Variants in PLPPR1 observed in about 807,000 individuals in gnomAD.
The protein encoded by PLPPR1 is phospholipid phosphatase related 1.
Under a neutral mutation model 33.1 loss-of-function variants are expected in PLPPR1, and 10 were observed. The observed-to-expected ratio is 0.30, with a 90% confidence interval of 0.19 to 0.51. The LOEUF (loss-of-function observed/expected upper bound fraction) is 0.51, where lower values mean the gene tolerates loss of function less well. Among genes scored for constraint, PLPPR1 ranks in the 20% least tolerant of loss-of-function variants. PLPPR1 has a pLI of 0.97. For missense variants in PLPPR1, 304 were observed against 408.1 expected (o/e 0.74, Z 2.20); for synonymous variants, 151 against 151.0 (o/e 1.00, Z 0.00).
At chr9:101,283,494 G>A (rs974957766) in intron 3 of PLPPR1, among the ~76,000 whole-genome samples, 1 of 152,062 alleles carries the variant, frequency 6.6e-6, no homozygotes, top group East Asian at 1.9e-4. Flanking sequence ...ATCTCACACC[G>A]TATACAAAAA....
intron 1 of PLPPR1, among the ~76,000 whole-genome samples, chr9:101,043,942 C>T (rs1394111667): frequency 6.6e-6 from 1 of 152,114 alleles, no homozygotes; most frequent in Non-Finnish European, 1.5e-5. Context: ...ATCTTCTAGA[C>T]ATTGGCTTAG....
chr9:101,143,327 A>C (rs1831477892), intron 1 of PLPPR1, among the ~76,000 whole-genome samples: 1 of 152,082 alleles, frequency 6.6e-6, no homozygotes, highest in Admixed American at 6.6e-5. Flanking sequence ...CTTCTTCTGT[A>C]GGTCTGGGGT....
At chr9:101,234,332 C>T (rs1827251080) in intron 2 of PLPPR1, among the ~76,000 whole-genome samples, 1 of 151,876 alleles carries the variant, frequency 6.6e-6, no homozygotes, top group South Asian at 2.1e-4. Context: ...CATATTTAGA[C>T]ATTTTAGTTC....
At chr9:101,037,103 A>G (rs951511201) in intron 1 of PLPPR1, among the ~76,000 whole-genome samples, 2 of 152,090 alleles carry the variant, frequency 1.3e-5, no homozygotes, top group African/African-American at 4.8e-5. Context: ...TGTCCATGTT[A>G]ACTGGATGGG....
intron 2 of PLPPR1, among the ~76,000 whole-genome samples, chr9:101,188,507 A>G (rs1564170445): frequency 6.6e-6 from 1 of 151,422 alleles, no homozygotes; most frequent in African/African-American, 2.4e-5. Context: ...GCCTTGTCTT[A>G]TTGCTTTGGT....
At chr9:101,088,415 A>G (rs1830703915) in intron 1 of PLPPR1, among the ~76,000 whole-genome samples, 1 of 151,338 alleles carries the variant, frequency 6.6e-6, no homozygotes, top group South Asian at 2.1e-4. Context: ...AAGTAATTCT[A>G]ATATAAAAAT....
At chr9:101,201,654 A>C (rs1319521958) in intron 2 of PLPPR1, among the ~76,000 whole-genome samples, 1 of 152,222 alleles carries the variant, frequency 6.6e-6, no homozygotes, top group Non-Finnish European at 1.5e-5. Flanking sequence ...GGCAGGCTAC[A>C]TTCTCAGTAA....
chr9:101,207,606 C>G (rs1156731), intron 2 of PLPPR1, among the ~76,000 whole-genome samples: 18,755 of 151,966 alleles, frequency 0.12, 2,692 homozygotes, highest in African/African-American at 0.35. Flanking sequence ...GCTCCCCTTA[C>G]GAGGCTGTAT....
chr9:101,289,200 G>T (rs1009562595), intron 4 of PLPPR1, among the ~76,000 whole-genome samples: 1 of 152,116 alleles, frequency 6.6e-6, no homozygotes, highest in African/African-American at 2.4e-5. Context: ...TTACAAGCTG[G>T]CCAAACCCTA....
At chr9:101,070,188 G>A (rs888510639) in intron 1 of PLPPR1, among the ~76,000 whole-genome samples, 1 of 152,002 alleles carries the variant, frequency 6.6e-6, no homozygotes, top group African/African-American at 2.4e-5. Flanking sequence ...TGGGGTCAGG[G>A]GGACTATCAA....
chr9:101,267,862 GTC>G (rs1283350833), intron 2 of PLPPR1, among the ~76,000 whole-genome samples: 1 of 152,048 alleles, frequency 6.6e-6, no homozygotes, highest in Non-Finnish European at 1.5e-5. Flanking sequence ...GTTATAATGT[GTC>G]TCAAGTACAA....
chr9:101,083,423 T>A (rs74628796), intron 1 of PLPPR1, among the ~76,000 whole-genome samples: 5,815 of 151,272 alleles, frequency 0.038, 170 homozygotes, highest in East Asian at 0.079. Context: ...CAAAATTGAC[T>A]GGAAAGAATA....
chr9:101,181,681 TACAC>T (rs1044560993), intron 1 of PLPPR1, among the ~76,000 whole-genome samples: 13 of 147,646 alleles, frequency 8.8e-5, no homozygotes, highest in African/African-American at 1.7e-4. Context: ...TATATGTATA[TACAC>T]ACACACATAC....
intron 2 of PLPPR1, among the ~76,000 whole-genome samples, chr9:101,262,288 C>T (rs1827914158): frequency 6.6e-6 from 1 of 152,176 alleles, no homozygotes; most frequent in African/African-American, 2.4e-5. Context: ...AGACCACACA[C>T]CTAGTAGGCA....
chr9:101,130,668 G>A (rs1831303371), intron 1 of PLPPR1, among the ~76,000 whole-genome samples: 1 of 152,148 alleles, frequency 6.6e-6, no homozygotes, highest in South Asian at 2.1e-4. Flanking sequence ...GCAGACTATG[G>A]CTCAAAATAT....
At chr9:101,058,254 G>A (rs1372406971) in intron 1 of PLPPR1, among the ~76,000 whole-genome samples, 1 of 151,540 alleles carries the variant, frequency 6.6e-6, no homozygotes, top group Non-Finnish European at 1.5e-5. Context: ...TGGAATGGGA[G>A]AAGTAGACCC....
At chr9:101,118,182 C>A (rs916150546) in intron 1 of PLPPR1, among the ~76,000 whole-genome samples, 5 of 152,182 alleles carry the variant, frequency 3.3e-5, no homozygotes, top group African/African-American at 1.2e-4. Context: ...GAGGCTATGA[C>A]CTGCTGTGGG....
intron 1 of PLPPR1, among the ~76,000 whole-genome samples, chr9:101,055,479 A>G (rs886428766): frequency 3.3e-5 from 5 of 152,192 alleles, no homozygotes; most frequent in African/African-American, 9.7e-5. Flanking sequence ...CGGTTAATCA[A>G]TTCCTTAGCG....
At chr9:101,217,143 A>G (rs1826815204) in intron 2 of PLPPR1, among the ~76,000 whole-genome samples, 1 of 152,216 alleles carries the variant, frequency 6.6e-6, no homozygotes, top group African/African-American at 2.4e-5. Context: ...ATCATTAAAA[A>G]TAACCAGAAG....
Sources: allele counts gnomAD v4.1 joint callset (sites outside exome capture counted in the v4.1 genomes callset), GRCh38; gene constraint gnomAD v4.1.1; transcripts MANE v1.5; gene names NCBI Gene and HGNC (gene_info 2026-07-23, HGNC 2026-07-21).